Variants in SNTB2 observed in about 807,000 individuals in gnomAD.
The protein encoded by SNTB2 is syntrophin beta 2, also known as beta-2-syntrophin.
A neutral mutation model predicts 46.2 loss-of-function variants in SNTB2; 34 were observed. The observed-to-expected ratio is 0.74, with a 90% confidence interval of 0.56 to 0.98. The LOEUF is 0.98. SNTB2 is among the 50% of genes least tolerant of loss of function. The probability of loss-of-function intolerance (pLI) is 0.00; values close to 1 mark genes in which losing one functional copy is unlikely to be tolerated. For missense variants in SNTB2, 603 were observed against 731.4 expected (o/e 0.82, Z 2.02); for synonymous variants, 290 against 312.6 (o/e 0.93, Z 0.76).
At chr16:69,218,582 C>T (rs761367818) in intron 1 of SNTB2, among the ~76,000 whole-genome samples, 9 of 151,966 alleles carry the variant, frequency 5.9e-5, no homozygotes, top group South Asian at 2.1e-4. Flanking sequence ...CCACCACACC[C>T]GGCTAATGTT....
chr16:69,251,075 T>A (rs1329971795), intron 2 of SNTB2, among the ~76,000 whole-genome samples: 2 of 143,404 alleles, frequency 1.4e-5, no homozygotes, highest in Non-Finnish European at 3.1e-5. Flanking sequence ...GCCTCCCGGG[T>A]TCACGCCATT....
intron 1 of SNTB2, among the ~76,000 whole-genome samples, chr16:69,244,709 G>C (rs966244366): frequency 2.6e-5 from 4 of 152,178 alleles, no homozygotes; most frequent in African/African-American, 9.7e-5. Flanking sequence ...CAAGCAAGGG[G>C]GATCAGTTGA....
intron 1 of SNTB2, among the ~76,000 whole-genome samples, chr16:69,197,501 C>A (rs1236984259): frequency 1.3e-5 from 2 of 152,098 alleles, no homozygotes; most frequent in African/African-American, 4.8e-5. Context: ...TCTGAAATAT[C>A]TTGTAATAAT....
At chr16:69,219,975 C>T (rs936436112) in intron 1 of SNTB2, among the ~76,000 whole-genome samples, 5 of 151,880 alleles carry the variant, frequency 3.3e-5, no homozygotes, top group African/African-American at 1.2e-4. Context: ...TGGTCTTGAT[C>T]TCCTGACCTC....
intron 4 of SNTB2, among the ~76,000 whole-genome samples, chr16:69,281,030 C>A (rs1418323553): frequency 6.6e-6 from 1 of 151,984 alleles, no homozygotes; most frequent in African/African-American, 2.4e-5. Flanking sequence ...ATCTCCTGAC[C>A]GTGATCCGCC....
At chr16:69,280,391 G>C (rs867713938) in intron 4 of SNTB2, among the ~76,000 whole-genome samples, 1 of 152,126 alleles carries the variant, frequency 6.6e-6, no homozygotes, top group Non-Finnish European at 1.5e-5. Context: ...CCTCCCAGAC[G>C]GGGTGGTTGC....
At chr16:69,293,594 A>C (rs1321256485) in intron 5 of SNTB2, among the ~76,000 whole-genome samples, 1 of 152,154 alleles carries the variant, frequency 6.6e-6, no homozygotes, top group Non-Finnish European at 1.5e-5. Flanking sequence ...AAGTTTTGAT[A>C]TGAAGAGGAG....
At chr16:69,260,819 A>C (rs1964827551) in intron 3 of SNTB2, among the ~76,000 whole-genome samples, 1 of 152,226 alleles carries the variant, frequency 6.6e-6, no homozygotes. Context: ...TGCTCTGGGA[A>C]AAGTATAAAA....
chr16:69,272,795 A>G (rs1402087000), intron 4 of SNTB2, among the ~76,000 whole-genome samples: 1 of 151,010 alleles, frequency 6.6e-6, no homozygotes. Context: ...GGAGGCTGAG[A>G]CAGGAGAAGT....
chr16:69,293,264 G>C (rs925708483), intron 5 of SNTB2, among the ~76,000 whole-genome samples: 1 of 152,126 alleles, frequency 6.6e-6, no homozygotes, highest in Non-Finnish European at 1.5e-5. Context: ...CCCATGCTTT[G>C]ACTGACCCAG....
At chr16:69,284,294 T>G in intron 5 of SNTB2, 50 bp downstream of exon 5, 1 of 1,478,026 alleles carries the variant, frequency 6.8e-7, no homozygotes, top group Non-Finnish European at 9.2e-7. Context: ...AGAACTGTTA[T>G]ATAGTCATGT....
chr16:69,271,174 T>C (rs1964933819), intron 4 of SNTB2, among the ~76,000 whole-genome samples: 1 of 152,178 alleles, frequency 6.6e-6, no homozygotes, highest in Admixed American at 6.5e-5. Context: ...ACATATATTA[T>C]TCTTTTTATA....
chr16:69,292,162 G>A (rs1348421659), intron 5 of SNTB2, among the ~76,000 whole-genome samples: 4 of 142,554 alleles, frequency 2.8e-5, no homozygotes, highest in Non-Finnish European at 4.6e-5. Flanking sequence ...GCGAGAACCC[G>A]GGAGGCAGAG....
intron 1 of SNTB2, among the ~76,000 whole-genome samples, chr16:69,231,554 A>G (rs1964506677): frequency 6.6e-6 from 1 of 152,268 alleles, no homozygotes; most frequent in South Asian, 2.1e-4. Context: ...ATGCCATTGC[A>G]TTCCAGCCTG....
intron 2 of SNTB2, 102 bp from the exon 3 acceptor site, chr16:69,259,948 A>G (rs1460010315): frequency 2.2e-6 from 2 of 899,186 alleles, no homozygotes; most frequent in East Asian, 4.8e-5. Flanking sequence ...ATTTATTTGA[A>G]GAATGCAAAA....
chr16:69,220,674 C>G (rs560364052), intron 1 of SNTB2, among the ~76,000 whole-genome samples: 42 of 152,036 alleles, frequency 2.8e-4, no homozygotes, highest in Admixed American at 5.9e-4. Context: ...ACTAAAGATG[C>G]ATGCCACCAC....
At chr16:69,254,106 T>C (rs181754860) in intron 2 of SNTB2, among the ~76,000 whole-genome samples, 15 of 152,008 alleles carry the variant, frequency 9.9e-5, no homozygotes, top group Non-Finnish European at 1.3e-4. Context: ...CTCTAGAAAA[T>C]AGTCAGCCTG....
At chr16:69,284,500 A>G (rs563101334) in intron 5 of SNTB2, among the ~76,000 whole-genome samples, 68 of 132,604 alleles carry the variant, frequency 5.1e-4, no homozygotes, top group African/African-American at 1.9e-3. Flanking sequence ...AAATCCGTGC[A>G]CAGTGGCTGA....
At chr16:69,240,051 C>A (rs911326963) in intron 1 of SNTB2, among the ~76,000 whole-genome samples, 2 of 152,118 alleles carry the variant, frequency 1.3e-5, no homozygotes, top group Non-Finnish European at 2.9e-5. Flanking sequence ...TGGGTTGTTT[C>A]CAGCTGTGGT....
Sources: allele counts gnomAD v4.1 joint callset (sites outside exome capture counted in the v4.1 genomes callset), GRCh38; gene constraint gnomAD v4.1.1; transcripts MANE v1.5; gene names NCBI Gene and HGNC (gene_info 2026-07-23, HGNC 2026-07-21).